The following GPAT3 variants were observed in gnomAD, a reference collection of about 807,000 sequenced individuals.
The protein encoded by GPAT3 is glycerol-3-phosphate acyltransferase 3.
A neutral mutation model predicts 58.8 loss-of-function variants in GPAT3; 53 were observed. The observed-to-expected ratio is 0.90, with a 90% confidence interval of 0.72 to 1.13. GPAT3 has a LOEUF of 1.13. GPAT3 is among the 50% of genes most tolerant of loss of function. GPAT3 has a pLI of 0.00. For synonymous variants in GPAT3, 197 were observed against 187.4 expected (o/e 1.05, Z -0.42); for missense variants, 511 against 527.6 (o/e 0.97, Z 0.31).
At chr4:83,575,196 A>G (rs983522167) in intron 2 of GPAT3, among the ~76,000 whole-genome samples, 1 of 152,028 alleles carries the variant, frequency 6.6e-6, no homozygotes, top group African/African-American at 2.4e-5. Flanking sequence ...TCTTGATGCC[A>G]AAACAAGTAT....
intron 2 of GPAT3, 139 bp from the exon 3 acceptor site, chr4:83,581,419 TCTTA>T (rs1726119875): frequency 3.5e-6 from 3 of 853,120 alleles, no homozygotes; most frequent in South Asian, 3.6e-5. Flanking sequence ...ATTGTTTGTC[TCTTA>T]CTTCTGAAGA....
rs1326555625 is a variant in GPAT3 at position 83,544,594 on chromosome 4, C to G, written c.200C>G (p.Ala67Gly). The change falls in exon 2 of 12, where the codon GCT (alanine) becomes GGT (glycine). Residue 67 changes from alanine (A) to glycine (G), a missense_variant. By Grantham distance (60) the Ala-to-Gly change is moderately conservative (BLOSUM62 0). Coordinates refer to ENST00000264409, the MANE Select transcript of GPAT3 (RefSeq NM_032717.5). ...TPKESILKNS[A>G]SVGIIQRDES... ...AAGGAGTCGATTCTTAAAAACTCTG[C>G]TTCTGTTGGTGAGTTTTCCTTTTCA... is the stretch of plus-strand genomic sequence containing the variant. 1 of 1,613,988 alleles carries G rather than the reference C, an allele frequency of 6.2e-7. No individual in the cohort carries two copies. The highest frequency in any genetic ancestry group is 8.5e-7 in the Non-Finnish European group (1 of 1,179,934).
At chr4:83,543,790 G>A (rs1236175001) in intron 1 of GPAT3, among the ~76,000 whole-genome samples, 6 of 151,996 alleles carry the variant, frequency 3.9e-5, no homozygotes, top group African/African-American at 7.3e-5. Flanking sequence ...ACAGGCATGC[G>A]TCACCATGCC....
Position 83,602,588 on chromosome 4 carries a change from G to C in GPAT3, c.1206-2080G>C, listed in dbSNP as rs147752149. Reference sequence around the variant, plus strand: ...TAAGACCTGCTGCCATTGCAAAGGGGAATTGGATAAAATTTTGAAGTCTCT... The same window carrying C: ...TAAGACCTGCTGCCATTGCAAAGGGCAATTGGATAAAATTTTGAAGTCTCT... On this transcript the variant is annotated intron_variant, in intron 11 of 11. Coordinates refer to ENST00000264409, the MANE Select transcript of GPAT3 (RefSeq NM_032717.5). Among the ~76,000 whole-genome samples the C allele has an allele frequency of 2.8e-3, 395 of 140,650 alleles. 3 individuals are homozygous for C. The highest frequency in any genetic ancestry group is 9.7e-3 in the African/African-American group (378 of 38,832). 92.3% of individuals were successfully genotyped at this position (140,650 alleles called of 152,430 possible). A position where few individuals can be genotyped will look rare whatever the true frequency, so the allele number is the denominator to read the frequency against.
chr4:83,597,149 C>T (rs913255716), intron 8 of GPAT3, among the ~76,000 whole-genome samples: 7 of 152,002 alleles, frequency 4.6e-5, no homozygotes, highest in Non-Finnish European at 5.9e-5. Context: ...CAGAATTGTC[C>T]GTGACTTTAA....
intron 11 of GPAT3, among the ~76,000 whole-genome samples, 165 bp downstream of exon 11, chr4:83,598,888 C>T (rs113933654): frequency 6.8e-6 from 1 of 146,260 alleles, no homozygotes; most frequent in Admixed American, 7.1e-5. Context: ...CGCCTGGGCT[C>T]AAGGGATCCT....
chr4:83,570,471 C>CTTTTT (rs11417042), intron 2 of GPAT3, among the ~76,000 whole-genome samples: 10 of 126,670 alleles, frequency 7.9e-5, no homozygotes, highest in African/African-American at 2.8e-4. Flanking sequence ...TGGGAGAACT[C>CTTTTT]TTTTTTTTTT....
intron 2 of GPAT3, among the ~76,000 whole-genome samples, chr4:83,576,669 C>T (rs1578183976): frequency 6.6e-6 from 1 of 152,118 alleles, no homozygotes; most frequent in African/African-American, 2.4e-5. Flanking sequence ...GTCTCGAACT[C>T]CTGACCTCAA....
At chr4:83,537,195 A>G (rs1222224535) in intron 1 of GPAT3, among the ~76,000 whole-genome samples, 1 of 152,240 alleles carries the variant, frequency 6.6e-6, no homozygotes, top group Non-Finnish European at 1.5e-5. Context: ...TCAGAAAGGC[A>G]TCATGTTCTT....
chr4:83,567,163 T>C (rs974315771), intron 2 of GPAT3, among the ~76,000 whole-genome samples: 8 of 152,186 alleles, frequency 5.3e-5, no homozygotes, highest in Admixed American at 4.6e-4. Context: ...TTCTCTTGTC[T>C]GGTTGTGCTG....
intron 2 of GPAT3, among the ~76,000 whole-genome samples, chr4:83,550,570 A>G (rs1469481605): frequency 6.6e-6 from 1 of 152,208 alleles, no homozygotes; most frequent in East Asian, 1.9e-4. Context: ...AAATTTAGAT[A>G]CAAAATCTCA....
chr4:83,583,143 A>G (rs1378929058), intron 3 of GPAT3, among the ~76,000 whole-genome samples: 1 of 151,930 alleles, frequency 6.6e-6, no homozygotes, highest in Non-Finnish European at 1.5e-5. Flanking sequence ...TAAAAATACA[A>G]AAATTAACTG....
rs746955762 is a variant in GPAT3, at chr4:83,604,788, A to T, written c.*21A>T. 1.4e-5 allele frequency: 22 copies of T among 1,593,232 alleles called. No individual in the cohort carries two copies. In the African/African-American group the frequency reaches 3.0e-4, roughly 21 times the overall value. ...GCTAAGAGGACGGATGACAGCCTTT[A>T]GATCTAGAACTAGCCCTTAGAAATG... On this transcript the variant is annotated 3_prime_UTR_variant, in exon 12 of 12. Coordinates refer to ENST00000264409, the MANE Select transcript of GPAT3 (RefSeq NM_032717.5).
At chr4:83,594,180 C>T (rs1726723457) in intron 6 of GPAT3, among the ~76,000 whole-genome samples, 1 of 152,204 alleles carries the variant, frequency 6.6e-6, no homozygotes, top group Non-Finnish European at 1.5e-5. Context: ...ATCAACCTTG[C>T]TCTGTTCCCA....
In GPAT3 at chr4:83,604,722, GA is replaced by G; in HGVS notation, c.1265del (p.Asn422IlefsTer5). ...AGGACATCTTTAAGGAAGAGCAGCA[GA>G]AAAATTACAGCAAGATGATTGTGGG... ...VKDIFKEEQQ[K>X]NYSKMIVGNG... On this transcript the variant is annotated frameshift_variant, in exon 12 of 12. Coordinates refer to ENST00000264409, the MANE Select transcript of GPAT3 (RefSeq NM_032717.5). LOFTEE classifies it high-confidence loss of function. 1 of 1,614,004 alleles carries G rather than the reference GA, an allele frequency of 6.2e-7. No homozygotes were observed. Among genetic ancestry groups the G allele is most frequent in the Middle Eastern group, 1.7e-4 (1 of 6,060 alleles).
At position 83,588,300 on chromosome 4, in the gene GPAT3, G is replaced by A; in HGVS notation, c.644+1G>A. 6.6e-7 allele frequency: 1 copy of A among 1,506,008 alleles called. No individual in the cohort carries two copies. Among genetic ancestry groups the A allele is most frequent in the Non-Finnish European group, 8.8e-7 (1 of 1,135,626 alleles). 93.3% of individuals were successfully genotyped at this position (1,506,008 alleles called of 1,614,324 possible). A position where few individuals can be genotyped will look rare whatever the true frequency, so the allele number is the denominator to read the frequency against. ...CTGGTACCATTCATTATCATAACAA[G>A]TGAGTATCTGCTCCAATGTGCCTGT... On this transcript the variant is annotated splice_donor_variant, in intron 5 of 11. Transcript: ENST00000264409. LOFTEE classifies it high-confidence loss of function.
intron 2 of GPAT3, among the ~76,000 whole-genome samples, chr4:83,566,769 T>C (rs1358878937): frequency 1.3e-5 from 2 of 151,718 alleles, no homozygotes; most frequent in Non-Finnish European, 2.9e-5. Context: ...TTTTCTTTTT[T>C]TTTCCCCCAT....
intron 2 of GPAT3, among the ~76,000 whole-genome samples, chr4:83,561,484 T>C (rs1056788238): frequency 6.6e-6 from 1 of 152,090 alleles, no homozygotes. Context: ...GGCACAAACC[T>C]GCTAAAATAA....
chr4:83,575,098 G>T (rs1308135389), intron 2 of GPAT3, among the ~76,000 whole-genome samples: 1 of 151,782 alleles, frequency 6.6e-6, no homozygotes, highest in Non-Finnish European at 1.5e-5. Context: ...GGATGGTCTC[G>T]ATCTCCTGAC....
Sources: gnomAD v4.1 joint callset for allele counts (sites outside exome capture counted in the v4.1 genomes callset) on GRCh38, gnomAD v4.1.1 for gene constraint, MANE v1.5 for transcripts, NCBI Gene and HGNC (gene_info 2026-07-23, HGNC 2026-07-21) for gene names.